Variants in KRR1 observed in about 807,000 individuals in gnomAD.
KRR1 encodes KRR1 small subunit processome component homolog.
KRR1 carries 23 observed loss-of-function variants against 50.0 expected under a neutral mutation model. That is an observed-to-expected ratio of 0.46 (90% CI 0.33 to 0.65). The LOEUF is 0.65. Among genes scored for constraint, KRR1 ranks in the 30% least tolerant of loss-of-function variants. KRR1 has a pLI of 0.02. For missense variants in KRR1, 419 were observed against 442.4 expected (o/e 0.95, Z 0.47); for synonymous variants, 133 against 146.3 (o/e 0.91, Z 0.66).
Position 75,496,252 on chromosome 12 carries a change from G to A in KRR1, c.*3557C>T, listed in dbSNP as rs143062443. The stretch of plus-strand genomic sequence containing the variant: ...CGCCCGTAACCCCAGCTACTCAGGA[G>A]GCTGAGGCAGGACAATCACTTGAGC... On this transcript the variant is annotated 3_prime_UTR_variant, in exon 10 of 10. Coordinates refer to ENST00000229214, the MANE Select transcript of KRR1 (RefSeq NM_007043.7). 0.045 allele frequency: 6,859 copies of A among 152,152 alleles called. 222 individuals are homozygous for A. Among genetic ancestry groups the A allele is most frequent in the East Asian group, 0.17 (870 of 5,104 alleles). 9.4% of individuals were successfully genotyped at this position (152,152 alleles called of 1,614,324 possible). A position where few individuals can be genotyped will look rare whatever the true frequency, so the allele number is the denominator to read the frequency against.
In KRR1 at chr12:75,497,395, T is replaced by C. The variant is rs1467732638; in HGVS notation, c.*2414A>G. 2 of 152,172 alleles carry C rather than the reference T, an allele frequency of 1.3e-5. No individual in the cohort carries two copies. The highest frequency in any genetic ancestry group is 2.4e-5 in the African/African-American group (1 of 41,432). The allele number at this position is 152,172 out of a possible 1,614,324, so 9.4% of individuals were successfully genotyped here. A position where few individuals can be genotyped will look rare whatever the true frequency, so the allele number is the denominator to read the frequency against. On this transcript the variant is annotated 3_prime_UTR_variant, in exon 10 of 10. Transcript: ENST00000229214. ...GACTCTTGAGAAAACACATGCTAAC[T>C]TGTATTTATAAGATGTGAAACTCAT...
chr12:75,503,885 T>C lies in KRR1; in HGVS notation c.831+19A>G, dbSNP rs1336836575. On this transcript the variant is annotated intron_variant, in intron 7 of 9. Coordinates refer to ENST00000229214, the MANE Select transcript of KRR1 (RefSeq NM_007043.7). ...AAAATAGATTCTCCTTCATATGAAG[T>C]TCTACATTTAGTACTAACCTGACTT... 1 of 1,576,786 alleles carries C rather than the reference T, an allele frequency of 6.3e-7. No individual in the cohort carries two copies. The highest frequency in any genetic ancestry group is 8.6e-7 in the Non-Finnish European group (1 of 1,161,894).
chr12:75,509,389 G>A (rs780581378), intron 1 of KRR1, among the ~76,000 whole-genome samples: 1 of 151,934 alleles, frequency 6.6e-6, no homozygotes, highest in Admixed American at 6.6e-5. Flanking sequence ...TCTTAAGCAC[G>A]GTAAAGTTTG....
intron 1 of KRR1, among the ~76,000 whole-genome samples, chr12:75,510,808 A>G (rs1212223836): frequency 6.6e-6 from 1 of 152,214 alleles, no homozygotes; most frequent in Non-Finnish European, 1.5e-5. Context: ...AGCAACAACA[A>G]AGAAACTTTG....
chr12:75,495,617 T>G lies in KRR1; in HGVS notation c.*4192A>C, dbSNP rs923968612. On this transcript the variant is annotated 3_prime_UTR_variant, in exon 10 of 10. Coordinates refer to ENST00000229214, the MANE Select transcript of KRR1 (RefSeq NM_007043.7). ...TTGGCCATATAAGAGAGGAGCCACC[T>G]GCAGTGCCTGCCCCAATAATGACAA... The G allele has an allele frequency of 5.0e-6, 8 of 1,611,544 alleles. No individual in the cohort carries two copies. In the African/African-American group the frequency reaches 1.1e-4, roughly 22 times the overall value.
At chr12:75,501,869 T>G in intron 8 of KRR1, 53 bp from the exon 9 acceptor site, 1 of 1,581,170 alleles carries the variant, frequency 6.3e-7, no homozygotes, top group Non-Finnish European at 8.6e-7. Flanking sequence ...AGTTAAATAA[T>G]TCAAGTATCT....
intron 7 of KRR1, chr12:75,503,332 G>C (rs142647743): frequency 3.6e-4 from 55 of 152,218 alleles, no homozygotes; most frequent in African/African-American, 1.3e-3. Context: ...TAATTTGGTA[G>C]CCACGTTGCA....
chr12:75,490,978 A>G lies in KRR1; in HGVS notation c.*8831T>C, dbSNP rs978200142. On this transcript the variant is annotated 3_prime_UTR_variant, in exon 10 of 10. Coordinates refer to ENST00000229214, the MANE Select transcript of KRR1 (RefSeq NM_007043.7). ...CTTTTGACAGTTGTTTTTAAAACAG[A>G]TATAGTTCCCACTTTGGGAAACAGG... 2 of 153,288 alleles carry G rather than the reference A, an allele frequency of 1.3e-5. No individual in the cohort carries two copies. The highest frequency in any genetic ancestry group is 2.9e-5 in the Non-Finnish European group (2 of 68,812). The allele number at this position is 153,288 out of a possible 1,614,324, so 9.5% of individuals were successfully genotyped here. A position where few individuals can be genotyped will look rare whatever the true frequency, so the allele number is the denominator to read the frequency against.
At position 75,504,068 on chromosome 12, in the gene KRR1, T is replaced by C. The variant is rs201035934; in HGVS notation, c.667A>G (p.Met223Val). Residue 223 changes from methionine (M) to valine (V), a missense_variant, in exon 7 of 10, where the codon ATG becomes GTG. Physicochemically the swap from Met to Val is conservative, Grantham distance 21. Transcript: ENST00000229214. ...TCTTTTGCCAACTCTCTCTTAATCA[T>C]TAAGCTCTTTAGTCATGCAACAAAG... ...IHPIYNIKSLMIKRELAKDSE... is the reference protein window; with the variant it reads ...IHPIYNIKSLVIKRELAKDSE... 7 of 1,609,230 alleles carry C rather than the reference T, an allele frequency of 4.3e-6. No individual in the cohort carries two copies. The East Asian group carries it at 1.3e-4, about 31-fold the overall frequency.
chr12:75,501,517 T>G (rs1261665284), intron 9 of KRR1: 2 of 531,610 alleles, frequency 3.8e-6, no homozygotes, highest in East Asian at 3.1e-5. Context: ...GAGAGGACTG[T>G]CAATCCAGTT....
At chr12:75,510,470 G>T (rs1291009063) in intron 1 of KRR1, among the ~76,000 whole-genome samples, 1 of 152,026 alleles carries the variant, frequency 6.6e-6, no homozygotes, top group Admixed American at 6.5e-5. Context: ...AACTACACCC[G>T]CAAGTATCAC....
At chr12:75,511,332 G>C (rs1284135995) in intron 1 of KRR1, among the ~76,000 whole-genome samples, 181 bp downstream of exon 1, 1 of 152,196 alleles carries the variant, frequency 6.6e-6, no homozygotes, top group Non-Finnish European at 1.5e-5. Context: ...GAACACCTGG[G>C]TGGCACCATA....
At chr12:75,511,036 G>A (rs1306636369) in intron 1 of KRR1, among the ~76,000 whole-genome samples, 1 of 152,168 alleles carries the variant, frequency 6.6e-6, no homozygotes, top group Non-Finnish European at 1.5e-5. Flanking sequence ...TGACAAACAG[G>A]AATTGATAAT....
Position 75,499,684 on chromosome 12 carries a change from ACAAC to A in KRR1, c.*121_*124del, listed in dbSNP as rs1566102189. 3.6e-6 allele frequency: 2 copies of A among 548,680 alleles called. No individual in the cohort carries two copies. Among genetic ancestry groups the A allele is most frequent in the African/African-American group, 4.0e-5 (2 of 49,466 alleles). The allele number at this position is 548,680 out of a possible 1,614,324, so 34.0% of individuals were successfully genotyped here. ...ATTTATAAAGAACACTCTTCTATGAACAACCACCACCACCAAAAAAAAAAAAAGC... is the reference window on the plus strand; with the variant it reads ...ATTTATAAAGAACACTCTTCTATGAACACCACCACCAAAAAAAAAAAAAGC... On this transcript the variant is annotated 3_prime_UTR_variant, in exon 10 of 10. Transcript: ENST00000229214.
At position 75,499,016 on chromosome 12, in the gene KRR1, A is replaced by T; in HGVS notation, c.*793T>A. 1 of 1,425,048 alleles carries T rather than the reference A, an allele frequency of 7.0e-7. No individual in the cohort carries two copies. Among genetic ancestry groups the T allele is most frequent in the Middle Eastern group, 2.5e-4 (1 of 4,050 alleles). The allele number at this position is 1,425,048 out of a possible 1,614,324, so 88.3% of individuals were successfully genotyped here. A position where few individuals can be genotyped will look rare whatever the true frequency, so the allele number is the denominator to read the frequency against. ...AAGAAAAAACCCAAAAACCAACCTC[A>T]TTCACATATGGCTTTTTTTTTAACC... On this transcript the variant is annotated 3_prime_UTR_variant, in exon 10 of 10. Coordinates refer to ENST00000229214, the MANE Select transcript of KRR1 (RefSeq NM_007043.7).
intron 1 of KRR1, among the ~76,000 whole-genome samples, chr12:75,509,887 T>A (rs1235542311): frequency 6.6e-6 from 1 of 151,784 alleles, no homozygotes; most frequent in Non-Finnish European, 1.5e-5. Context: ...CTGCAACTAG[T>A]TACTTACAAT....
intron 6 of KRR1, 63 bp from the exon 7 acceptor site, chr12:75,504,137 A>C (rs1210008786): frequency 6.2e-5 from 74 of 1,201,354 alleles, no homozygotes; most frequent in Non-Finnish European, 8.2e-5. Flanking sequence ...TCAGACTCAG[A>C]CATTATAAAT....
chr12:75,506,703 A>C, intron 3 of KRR1, 79 bp downstream of exon 3: 1 of 1,557,614 alleles, frequency 6.4e-7, no homozygotes, highest in South Asian at 1.2e-5. Flanking sequence ...CCTAAGCACA[A>C]ATATGAAAAC....
Position 75,495,559 on chromosome 12 carries a change from CCTT to C in KRR1, c.*4247_*4249del, listed in dbSNP as rs1271091071. ...AAACCGAAAAACTTCTAATGGACAT[CCTT>C]CTTCTGCTTTACAGAGGGAATTACC... On this transcript the variant is annotated 3_prime_UTR_variant, in exon 10 of 10. Transcript: ENST00000229214. 22 of 1,455,772 alleles carry C rather than the reference CCTT, an allele frequency of 1.5e-5. No homozygotes were observed. Among genetic ancestry groups the C allele is most frequent in the Non-Finnish European group, 1.8e-5 (19 of 1,037,352 alleles). The allele number at this position is 1,455,772 out of a possible 1,614,324, so 90.2% of individuals were successfully genotyped here. A position where few individuals can be genotyped will look rare whatever the true frequency, so the allele number is the denominator to read the frequency against.
Sources: gnomAD v4.1 joint callset for allele counts (sites outside exome capture counted in the v4.1 genomes callset) on GRCh38, gnomAD v4.1.1 for gene constraint, MANE v1.5 for transcripts, NCBI Gene and HGNC (gene_info 2026-07-23, HGNC 2026-07-21) for gene names.